UGGT1: variants seen among roughly 807,000 people sequenced by gnomAD.
UGGT1 encodes UDP-glucose glycoprotein glucosyltransferase 1, also known as UDP-glucose:glycoprotein glucosyltransferase 1.
In UGGT1, 107 loss-of-function variants were observed where a neutral mutation model predicts 203.9. The ratio of observed to expected loss-of-function variants is 0.52; its 90% confidence interval spans 0.45 to 0.62. UGGT1 has a LOEUF of 0.62. Among genes scored for constraint, UGGT1 ranks in the 20% least tolerant of loss-of-function variants. UGGT1 has a pLI of 0.00. For missense variants in UGGT1, 1,673 were observed against 1,867.2 expected, an observed-to-expected ratio of 0.90 and a Z score of 1.92; for synonymous variants, 628 against 653.5, an observed-to-expected ratio of 0.96 and a Z score of 0.59.
chr2:128,167,798 C>T (rs1352212096), intron 26 of UGGT1, among the ~76,000 whole-genome samples: 3 of 151,394 alleles, frequency 2.0e-5, no homozygotes, highest in African/African-American at 7.3e-5. Flanking sequence ...TGTTTTTTTT[C>T]GAGTCCCTTT....
At chr2:128,175,075 T>G (rs1357125742) in intron 31 of UGGT1, among the ~76,000 whole-genome samples, 1 of 152,258 alleles carries the variant, frequency 6.6e-6, no homozygotes, top group Non-Finnish European at 1.5e-5. Context: ...TAGTCAGGCT[T>G]TATTCTTTAA....
At chr2:128,156,813 A>G (rs1282160627) in intron 21 of UGGT1, among the ~76,000 whole-genome samples, 2 of 151,912 alleles carry the variant, frequency 1.3e-5, no homozygotes, top group Non-Finnish European at 2.9e-5. Context: ...CAAGTGATCC[A>G]CCCTCCTGAA....
chr2:128,129,168 C>T lies in UGGT1; in HGVS notation c.1366C>T (p.Pro456Ser). ...EADYAVDIRS[P>S]AISWVNNLEV... is the part of the protein sequence containing the mutation. ...AGACTATGCCGTAGACATCCGGAGT[C>T]CTGCTATTTCAGTGAGTATTTTGTT... is the stretch of plus-strand genomic sequence containing the variant. The change falls in exon 13 of 41, where the codon CCT becomes TCT. Residue 456 changes from proline (P) to serine (S), a missense_variant. Pro to Ser is a moderately conservative substitution (Grantham distance 74, BLOSUM62 -1). This residue lies in a region of UGGT1 where 1,073 missense variants were observed against 1,078.7 expected (regional missense o/e 0.99). Coordinates refer to ENST00000259253, the MANE Select transcript of UGGT1 (RefSeq NM_020120.4). The T allele has an allele frequency of 6.2e-7, 1 of 1,608,244 alleles. No individual in the cohort carries two copies. The highest frequency in any genetic ancestry group is 2.2e-5 in the East Asian group (1 of 44,770).
At chr2:128,169,039 C>G (rs1690946339) in intron 26 of UGGT1, among the ~76,000 whole-genome samples, 1 of 106,534 alleles carries the variant, frequency 9.4e-6, no homozygotes, top group Admixed American at 1.4e-4. Context: ...ATGAGCGAGA[C>G]TCTGTCTTTA....
At chr2:128,164,851 C>T in intron 26 of UGGT1, 26 bp downstream of exon 26, 2 of 1,535,422 alleles carry the variant, frequency 1.3e-6, no homozygotes, top group Non-Finnish European at 8.8e-7. Flanking sequence ...TGAATTTGTG[C>T]ATATTCTTGA....
At chr2:128,124,336 A>G (rs1409327535) in intron 11 of UGGT1, among the ~76,000 whole-genome samples, 1 of 152,202 alleles carries the variant, frequency 6.6e-6, no homozygotes, top group Non-Finnish European at 1.5e-5. Flanking sequence ...ATTTGAAACA[A>G]GGCATCGCCT....
chr2:128,122,446 A>G (rs575939001), intron 10 of UGGT1, among the ~76,000 whole-genome samples: 1 of 152,132 alleles, frequency 6.6e-6, no homozygotes, highest in South Asian at 2.1e-4. Flanking sequence ...ATGCAGGAGA[A>G]TCGCTTGAAC....
rs144922970 is a variant in UGGT1, at chr2:128,173,039, C to T, written c.3294+277C>T. Among the ~76,000 whole-genome samples the T allele has an allele frequency of 2.8e-3, 434 of 152,294 alleles. 1 individual carries two copies. The highest frequency in any genetic ancestry group is 0.01 in the African/African-American group (419 of 41,560). On this transcript the variant is annotated intron_variant, in intron 29 of 40. Transcript: ENST00000259253. ...TGAAAGCCCCATACTCATTAGCAGT[C>T]ACTCTTCATTTCCCCAGCCCCTGGC...
intron 6 of UGGT1, among the ~76,000 whole-genome samples, chr2:128,114,714 T>C (rs1377291565): frequency 6.6e-6 from 1 of 152,232 alleles, no homozygotes; most frequent in East Asian, 1.9e-4. Flanking sequence ...TTTCTCCATT[T>C]CTTATGGTTG....
rs752906667 is a variant in UGGT1, at chr2:128,116,300, G to A, written c.829G>A (p.Asp277Asn). ...EVNTTVIGENDPIDEVQGFLF... is the reference protein window; with the variant it reads ...EVNTTVIGENNPIDEVQGFLF... ...AAACACCACAGTGATTGGTGAAAAT[G>A]ATCCTATTGATGAGGTTCAGGGGTT... Residue 277 changes from aspartate (D) to asparagine (N), a missense_variant, in exon 8 of 41, where the codon GAT becomes AAT. Asp to Asn is a conservative substitution (Grantham distance 23). Coordinates refer to ENST00000259253, the MANE Select transcript of UGGT1 (RefSeq NM_020120.4). 3 of 1,611,836 alleles carry A rather than the reference G, an allele frequency of 1.9e-6. No homozygotes were observed. The East Asian group carries it at 6.7e-5, about 36-fold the overall frequency.
chr2:128,106,582 TA>T (rs1367834171), intron 3 of UGGT1, among the ~76,000 whole-genome samples: 1 of 152,236 alleles, frequency 6.6e-6, no homozygotes, highest in Non-Finnish European at 1.5e-5. Flanking sequence ...TTTACTTATT[TA>T]TTTTTTGAGA....
chr2:128,145,974 C>CA lies in UGGT1; in HGVS notation c.2016+8dup. On this transcript the variant is annotated splice_region_variant and intron_variant, in intron 18 of 40. Coordinates refer to ENST00000259253, the MANE Select transcript of UGGT1 (RefSeq NM_020120.4). The stretch of plus-strand genomic sequence containing the variant: ...CCAAAGAGCGGTGTACTTGGTGAGT[C>CA]ACGTTTCAAGGCTGATTTTTTAAAG... 1 of 1,613,668 alleles carries CA rather than the reference C, an allele frequency of 6.2e-7. No homozygotes were observed. The highest frequency in any genetic ancestry group is 1.1e-5 in the South Asian group (1 of 91,018).
chr2:128,123,998 T>G (rs1226122325), intron 11 of UGGT1, among the ~76,000 whole-genome samples: 1 of 152,168 alleles, frequency 6.6e-6, no homozygotes, highest in Non-Finnish European at 1.5e-5. Flanking sequence ...CAGGCTGGAG[T>G]GCAGTGGCGT....
chr2:128,176,699 A>G (rs759767193), intron 31 of UGGT1, 115 bp from the exon 32 acceptor site: 9 of 948,326 alleles, frequency 9.5e-6, no homozygotes, highest in African/African-American at 1.7e-5. Context: ...GCAAGAAGAT[A>G]GCTGGATCTG....
chr2:128,166,582 C>T (rs146661426), intron 26 of UGGT1, among the ~76,000 whole-genome samples: 144 of 152,214 alleles, frequency 9.5e-4, no homozygotes, highest in Middle Eastern at 3.4e-3. Flanking sequence ...TCTTTGGTCT[C>T]CTTTAATCTG....
intron 37 of UGGT1, among the ~76,000 whole-genome samples, chr2:128,182,572 G>A (rs1171250796): frequency 6.6e-6 from 1 of 151,834 alleles, no homozygotes; most frequent in African/African-American, 2.4e-5. Flanking sequence ...GGTGGTGGGC[G>A]CCTGTAATCC....
chr2:128,124,687 CA>C (rs34250306), intron 11 of UGGT1, among the ~76,000 whole-genome samples: 105,579 of 145,522 alleles, frequency 0.73, 38,253 homozygotes, highest in Admixed American at 0.79. Flanking sequence ...TTCTCTTTTT[CA>C]AAAAAAAAAA....
chr2:128,155,723 T>C (rs1690196297), intron 20 of UGGT1, 136 bp downstream of exon 20: 4 of 583,044 alleles, frequency 6.9e-6, no homozygotes, highest in Non-Finnish European at 1.2e-5. Flanking sequence ...AAGCTTTGAG[T>C]CTAGAACATA....
Position 128,160,515 on chromosome 2 carries a change from T to C in UGGT1, c.2618T>C (p.Ile873Thr), listed in dbSNP as rs1311218271. Residue 873 changes from isoleucine to threonine, a missense_variant, in exon 24 of 41, where the codon ATT becomes ACT. Physicochemically the swap from Ile to Thr is moderately conservative, Grantham distance 89. Transcript: ENST00000259253. ...EVFESSKMDF[I>T]LSHAVYCRDV... ...TTTGAGTCTTCCAAAATGGATTTCA[T>C]TTTGTCTCATGCCGTGTACTGCAGG... The C allele has an allele frequency of 6.2e-7, 1 of 1,613,090 alleles. No individual in the cohort carries two copies. Among genetic ancestry groups the C allele is most frequent in the Non-Finnish European group, 8.5e-7 (1 of 1,179,792 alleles).
Sources: allele counts gnomAD v4.1 joint callset (sites outside exome capture counted in the v4.1 genomes callset), GRCh38; gene constraint gnomAD v4.1.1; regional missense constraint gnomAD v4.1.1; transcripts MANE v1.5; gene names NCBI Gene and HGNC (gene_info 2026-07-23, HGNC 2026-07-21).